Variants in GRID2 observed in about 807,000 individuals in gnomAD.
The protein encoded by GRID2 is glutamate receptor ionotropic, delta-2.
A neutral mutation model predicts 114.8 loss-of-function variants in GRID2; 33 were observed. That is an observed-to-expected ratio of 0.29 (90% CI 0.22 to 0.38). The LOEUF (loss-of-function observed/expected upper bound fraction) is 0.38. Among genes scored for constraint, GRID2 ranks in the 10% least tolerant of loss-of-function variants. The pLI is 1.00. For synonymous variants in GRID2, 505 were observed against 449.9 expected (o/e 1.12, Z -1.55); for missense variants, 1,184 against 1,257.7 (o/e 0.94, Z 0.89).
At chr4:92,694,287 C>A (rs1734322753) in intron 2 of GRID2, among the ~76,000 whole-genome samples, 1 of 152,098 alleles carries the variant, frequency 6.6e-6, no homozygotes. Flanking sequence ...GGTAAAGGAA[C>A]ACTGCAGCTC....
intron 13 of GRID2, among the ~76,000 whole-genome samples, chr4:93,561,412 T>C (rs962759969): frequency 6.6e-6 from 1 of 152,080 alleles, no homozygotes; most frequent in Non-Finnish European, 1.5e-5. Flanking sequence ...TACGGCAAAA[T>C]TGAAAGGAAG....
chr4:93,222,957 T>A (rs1374086006), intron 6 of GRID2, among the ~76,000 whole-genome samples: 1 of 152,090 alleles, frequency 6.6e-6, no homozygotes, highest in Non-Finnish European at 1.5e-5. Flanking sequence ...AAATACACGT[T>A]CACCAAAGGG....
At chr4:93,412,756 C>G (rs2149354940) in intron 9 of GRID2, among the ~76,000 whole-genome samples, 1 of 152,154 alleles carries the variant, frequency 6.6e-6, no homozygotes, top group Non-Finnish European at 1.5e-5. Context: ...CTTGCCTACC[C>G]CACTAACAGG....
chr4:93,584,976 G>A (rs1737382870), intron 13 of GRID2, among the ~76,000 whole-genome samples: 1 of 152,076 alleles, frequency 6.6e-6, no homozygotes, highest in Non-Finnish European at 1.5e-5. Context: ...TTTCCTGGAT[G>A]TTTTTCTGCT....
intron 2 of GRID2, among the ~76,000 whole-genome samples, chr4:92,974,455 A>C (rs572315269): frequency 6.6e-6 from 1 of 152,268 alleles, no homozygotes; most frequent in South Asian, 2.1e-4. Context: ...CATCAATGAT[A>C]GACTGGATTA....
chr4:92,439,150 T>TG (rs1186820885), intron 1 of GRID2, among the ~76,000 whole-genome samples: 1 of 142,030 alleles, frequency 7.0e-6, no homozygotes, highest in East Asian at 2.1e-4. Flanking sequence ...CGGGCAGGAG[T>TG]GGGGGTTGCA....
chr4:92,876,794 T>G (rs1745670666), intron 2 of GRID2, among the ~76,000 whole-genome samples: 1 of 152,178 alleles, frequency 6.6e-6, no homozygotes, highest in South Asian at 2.1e-4. Context: ...AGACTAAGAA[T>G]TTATAGTTTT....
intron 1 of GRID2, among the ~76,000 whole-genome samples, chr4:93,786,947 A>C (rs540642672): frequency 6.6e-6 from 1 of 152,252 alleles, no homozygotes; most frequent in East Asian, 1.9e-4. Flanking sequence ...GGGGTGTCCC[A>C]ATGGTGTATG....
intron 1 of GRID2, among the ~76,000 whole-genome samples, chr4:92,582,377 G>C (rs536447714): frequency 6.6e-6 from 1 of 151,726 alleles, no homozygotes; most frequent in Admixed American, 6.6e-5. Flanking sequence ...ACTATTCCAA[G>C]GTAACTGCAA....
At chr4:92,434,804 C>G (rs867870300) in intron 1 of GRID2, among the ~76,000 whole-genome samples, 3 of 152,020 alleles carry the variant, frequency 2.0e-5, no homozygotes, top group South Asian at 2.1e-4. Context: ...TGATAGGTCT[C>G]TCTGAAGTCA....
At chr4:93,134,918 A>G (rs1020829177) in intron 4 of GRID2, among the ~76,000 whole-genome samples, 5 of 152,052 alleles carry the variant, frequency 3.3e-5, no homozygotes, top group African/African-American at 1.2e-4. Context: ...TGCCTATTAA[A>G]TTACCCTTTA....
At chr4:92,654,981 G>A (rs995463814) in intron 2 of GRID2, among the ~76,000 whole-genome samples, 3 of 151,952 alleles carry the variant, frequency 2.0e-5, no homozygotes, top group East Asian at 1.9e-4. Flanking sequence ...GTCCTGAAGA[G>A]TGTTTGTTTT....
intron 2 of GRID2, among the ~76,000 whole-genome samples, chr4:92,749,736 T>C (rs1465484747): frequency 6.6e-6 from 1 of 152,114 alleles, no homozygotes; most frequent in Admixed American, 6.5e-5. Context: ...TGGATAATGC[T>C]GAAGAGGGGT....
At chr4:92,875,123 C>A in intron 2 of GRID2, among the ~76,000 whole-genome samples, 1 of 139,226 alleles carries the variant, frequency 7.2e-6, no homozygotes, top group African/African-American at 2.7e-5. Flanking sequence ...AAGGATAATT[C>A]ATGAAACTAA....
intron 13 of GRID2, among the ~76,000 whole-genome samples, chr4:93,624,629 G>A (rs1742530918): frequency 6.6e-6 from 1 of 152,054 alleles, no homozygotes; most frequent in South Asian, 2.1e-4. Context: ...TGTCACCCCA[G>A]TAACATTTCT....
At chr4:93,453,967 ATAGAT>A (rs1722953219) in intron 10 of GRID2, among the ~76,000 whole-genome samples, 1 of 152,100 alleles carries the variant, frequency 6.6e-6, no homozygotes, top group Admixed American at 6.6e-5. Context: ...CATTTCACAA[ATAGAT>A]TAAACTAAAG....
intron 2 of GRID2, among the ~76,000 whole-genome samples, chr4:92,673,265 A>T (rs1354087297): frequency 6.6e-6 from 1 of 152,146 alleles, no homozygotes; most frequent in African/African-American, 2.4e-5. Context: ...TAAATATACC[A>T]CATCATCTAT....
At chr4:93,085,923 A>G (rs2149323004) in intron 3 of GRID2, among the ~76,000 whole-genome samples, 1 of 152,336 alleles carries the variant, frequency 6.6e-6, no homozygotes, top group South Asian at 2.1e-4. Context: ...ATTTGAGAAT[A>G]AAATGCTTTG....
chr4:93,095,331 T>C (rs1410701484), intron 3 of GRID2, among the ~76,000 whole-genome samples: 3 of 151,994 alleles, frequency 2.0e-5, no homozygotes, highest in Non-Finnish European at 4.4e-5. Flanking sequence ...TGTGTCCATG[T>C]ATTCTCATTG....
Sources: gnomAD v4.1 joint callset for allele counts (sites outside exome capture counted in the v4.1 genomes callset) on GRCh38, gnomAD v4.1.1 for gene constraint, MANE v1.5 for transcripts, NCBI Gene and HGNC (gene_info 2026-07-23, HGNC 2026-07-21) for gene names.